ANKS1B: variants seen among roughly 807,000 people sequenced by gnomAD.
ANKS1B encodes the protein ankyrin repeat and sterile alpha motif domain containing 1B.
ANKS1B carries 36 observed loss-of-function variants against 148.3 expected under a neutral mutation model. The ratio of observed to expected loss-of-function variants is 0.24; its 90% CI spans 0.19 to 0.32. The LOEUF (loss-of-function observed/expected upper bound fraction) is 0.32, where lower values mean the gene tolerates loss of function less well. Among genes scored for constraint, ANKS1B ranks in the 10% least tolerant of loss-of-function variants. The pLI is 1.00. For missense variants in ANKS1B, 1,157 were observed against 1,542.6 expected (o/e 0.75, Z 4.19); for synonymous variants, 542 against 560.8 (o/e 0.97, Z 0.47).
chr12:98,976,847 T>A (rs1317179463), intron 17 of ANKS1B, among the ~76,000 whole-genome samples: 1 of 152,222 alleles, frequency 6.6e-6, no homozygotes, highest in Non-Finnish European at 1.5e-5. Flanking sequence ...AGTTGCTCAT[T>A]TGTAGTTTGA....
At chr12:99,031,886 AT>A (rs1165350091) in intron 17 of ANKS1B, among the ~76,000 whole-genome samples, 2 of 152,226 alleles carry the variant, frequency 1.3e-5, no homozygotes, top group African/African-American at 4.8e-5. Context: ...TTCCTAACTG[AT>A]TCAAACCCCA....
In ANKS1B at chr12:98,794,879, T is replaced by C. The variant is rs946876501; in HGVS notation, c.3342+4055A>G. 20 of 1,600,690 alleles carry C rather than the reference T, an allele frequency of 1.2e-5. No homozygotes were observed. In the Admixed American group the frequency reaches 2.7e-4, roughly 21 times the overall value. Reference sequence around the variant, plus strand: ...GAAGTCAAGCAAAACATCCATCTTATCCGAGCCCCTCTTGCAGGCAAAGGG... The same window carrying C: ...GAAGTCAAGCAAAACATCCATCTTACCCGAGCCCCTCTTGCAGGCAAAGGG... On this transcript the variant is annotated intron_variant, in intron 22 of 26. Transcript: ENST00000683438.
rs556152852 is a variant in ANKS1B, at chr12:99,488,895, A to C, written c.1438+15581T>G. The stretch of plus-strand genomic sequence containing the variant: ...ATAGGGGAAGGATTGCTTTAACAAA[A>C]ACTTGACAGATCTTGCCATGATGAC... On this transcript the variant is annotated intron_variant, in intron 10 of 26. Transcript: ENST00000683438. Among the ~76,000 whole-genome samples, 4 of 152,306 alleles carry C rather than the reference A, an allele frequency of 2.6e-5. No individual in the cohort carries two copies. The East Asian group carries it at 7.7e-4, about 29-fold the overall frequency.
chr12:99,200,012 A>G (rs557717216), intron 14 of ANKS1B, among the ~76,000 whole-genome samples: 2 of 152,220 alleles, frequency 1.3e-5, no homozygotes, highest in African/African-American at 4.8e-5. Flanking sequence ...AACAGCAAAC[A>G]GCCTGACTTG....
chr12:99,489,679 C>T (rs2096537424), intron 10 of ANKS1B, among the ~76,000 whole-genome samples: 1 of 152,172 alleles, frequency 6.6e-6, no homozygotes, highest in African/African-American at 2.4e-5. Context: ...CCAGCATCCT[C>T]ATAGATGCCT....
At chr12:99,486,456 TTATTTA>T (rs1567195929) in intron 10 of ANKS1B, among the ~76,000 whole-genome samples, 259 of 42,134 alleles carry the variant, frequency 6.1e-3, no homozygotes, top group African/African-American at 0.026. Context: ...TGGCATGTGC[TTATTTA>T]TTTATTTATT....
chr12:99,269,103 A>G (rs1262387034), intron 12 of ANKS1B, among the ~76,000 whole-genome samples: 4 of 151,764 alleles, frequency 2.6e-5, no homozygotes, highest in African/African-American at 9.7e-5. Context: ...TATTTTTTAT[A>G]AAAATACATT....
intron 12 of ANKS1B, among the ~76,000 whole-genome samples, chr12:99,331,064 A>T (rs2087444967): frequency 6.6e-6 from 1 of 152,008 alleles, no homozygotes; most frequent in African/African-American, 2.4e-5. Context: ...AAGCTTTGTA[A>T]TCACTTGCAT....
At chr12:99,682,050 A>T (rs1352058243) in intron 8 of ANKS1B, among the ~76,000 whole-genome samples, 2 of 152,250 alleles carry the variant, frequency 1.3e-5, no homozygotes, top group African/African-American at 4.8e-5. Flanking sequence ...TAAAAGGACT[A>T]GTCCAACAGG....
At chr12:99,913,800 T>A (rs1243129474) in intron 1 of ANKS1B, among the ~76,000 whole-genome samples, 3 of 151,974 alleles carry the variant, frequency 2.0e-5, no homozygotes, top group Non-Finnish European at 4.4e-5. Flanking sequence ...AACTCACTAA[T>A]TAAAGGTGGA....
At chr12:98,967,887 C>T (rs1294885988) in intron 17 of ANKS1B, among the ~76,000 whole-genome samples, 2 of 151,886 alleles carry the variant, frequency 1.3e-5, no homozygotes, top group Non-Finnish European at 2.9e-5. Flanking sequence ...CCGGGGAGTA[C>T]TGATTTATTT....
At chr12:99,961,814 T>C (rs2095415753) in intron 1 of ANKS1B, among the ~76,000 whole-genome samples, 2 of 152,198 alleles carry the variant, frequency 1.3e-5, no homozygotes, top group South Asian at 4.1e-4. Flanking sequence ...ATAGGTACTC[T>C]GCATGTTCCC....
intron 10 of ANKS1B, among the ~76,000 whole-genome samples, chr12:99,453,086 C>G (rs551079139): frequency 2.2e-4 from 33 of 151,960 alleles, no homozygotes; most frequent in East Asian, 9.8e-4. Context: ...GTCAGGAGAT[C>G]GAGACCATCC....
chr12:99,698,886 C>A (rs141965048), intron 8 of ANKS1B, among the ~76,000 whole-genome samples: 1 of 152,132 alleles, frequency 6.6e-6, no homozygotes, highest in Non-Finnish European at 1.5e-5. Flanking sequence ...GATATACACA[C>A]TCTGCCCATG....
chr12:99,964,382 T>A (rs1466501500), intron 1 of ANKS1B, among the ~76,000 whole-genome samples: 1 of 152,214 alleles, frequency 6.6e-6, no homozygotes, highest in African/African-American at 2.4e-5. Context: ...CACTTTCTCT[T>A]CCACTCCCTA....
intron 8 of ANKS1B, among the ~76,000 whole-genome samples, chr12:99,747,585 T>C (rs2060712998): frequency 6.6e-6 from 1 of 152,182 alleles, no homozygotes; most frequent in Non-Finnish European, 1.5e-5. Flanking sequence ...ATACTATTTA[T>C]CCAATTATTT....
At chr12:99,359,220 A>G (rs1175566125) in intron 12 of ANKS1B, among the ~76,000 whole-genome samples, 1 of 152,148 alleles carries the variant, frequency 6.6e-6, no homozygotes, top group Non-Finnish European at 1.5e-5. Context: ...CATTTCCTCT[A>G]TAATTCAGGC....
chr12:99,360,612 C>T (rs767475350), intron 12 of ANKS1B, among the ~76,000 whole-genome samples: 11 of 152,020 alleles, frequency 7.2e-5, no homozygotes, highest in African/African-American at 1.4e-4. Flanking sequence ...GTGCTACATG[C>T]TTCTCATCAC....
chr12:98,807,023 G>A (rs1401484503), intron 20 of ANKS1B, among the ~76,000 whole-genome samples: 1 of 152,146 alleles, frequency 6.6e-6, no homozygotes. Flanking sequence ...CCAAGAATCT[G>A]CTCAGTGATT....
Sources: allele counts gnomAD v4.1 joint callset (sites outside exome capture counted in the v4.1 genomes callset), GRCh38; gene constraint gnomAD v4.1.1; transcripts MANE v1.5; gene names NCBI Gene and HGNC (gene_info 2026-07-23, HGNC 2026-07-21).